The following LARGE1 variants were observed in gnomAD, a reference collection of about 807,000 sequenced individuals.
LARGE1 encodes the protein xylosyl- and glucuronyltransferase LARGE1.
Under a neutral mutation model 87.6 loss-of-function variants are expected in LARGE1, and 43 were observed. That is an observed-to-expected ratio of 0.49 (90% CI 0.38 to 0.63). The LOEUF is 0.63. LARGE1 is among the 30% of genes least tolerant of loss of function. The probability of loss-of-function intolerance (pLI) is 0.00; values close to 1 mark genes in which losing one functional copy is unlikely to be tolerated. For missense variants in LARGE1, 802 were observed against 1,000.2 expected, an observed-to-expected ratio of 0.80 and a Z score of 2.67; for synonymous variants, 434 against 394.6, an observed-to-expected ratio of 1.10 and a Z score of -1.18.
At chr22:33,439,213 CAAA>C (rs1158386811) in intron 6 of LARGE1, among the ~76,000 whole-genome samples, 15 of 90,064 alleles carry the variant, frequency 1.7e-4, no homozygotes, top group South Asian at 1.5e-3. Context: ...GACTCCATCT[CAAA>C]AAAAAAAAAA....
chr22:33,646,104 T>C (rs746873378), intron 3 of LARGE1, among the ~76,000 whole-genome samples: 2 of 152,184 alleles, frequency 1.3e-5, no homozygotes, highest in Non-Finnish European at 2.9e-5. Context: ...CCCAAAGGAT[T>C]ATAAATCATT....
intron 5 of LARGE1, among the ~76,000 whole-genome samples, chr22:33,579,880 A>C (rs968136788): frequency 1.3e-5 from 2 of 152,226 alleles, no homozygotes; most frequent in Non-Finnish European, 2.9e-5. Flanking sequence ...ACTTAATAGC[A>C]CAGCTCTGTA....
rs560569417 is a variant in LARGE1 at position 33,260,189 on chromosome 22, A to AC, written c.1730+44039dup. 6.8e-3 allele frequency among the ~76,000 whole-genome samples: 1,016 copies of AC among 149,422 alleles called. 5 individuals carry two copies. The highest frequency in any genetic ancestry group is 0.024 in the Middle Eastern group (7 of 288). On this transcript the variant is annotated intron_variant, in intron 11 of 11. Transcript: ENST00000608642. ...AGCCTCTTGCCCACATTTTCTTCCC[A>AC]CCCCCCTGCCTCCTGACCCACCCTG...
intron 11 of LARGE1, among the ~76,000 whole-genome samples, chr22:33,234,187 T>C (rs1259540568): frequency 6.6e-6 from 1 of 152,254 alleles, no homozygotes; most frequent in African/African-American, 2.4e-5. Context: ...CATCTCACCA[T>C]GTGCTTGCAC....
intron 6 of LARGE1, among the ~76,000 whole-genome samples, chr22:33,556,826 T>A (rs2077704828): frequency 6.6e-6 from 1 of 151,536 alleles, no homozygotes; most frequent in African/African-American, 2.4e-5. Context: ...GCCAACATGG[T>A]GAAACCCTGT....
At chr22:33,903,175 T>G (rs1404688459) in intron 1 of LARGE1, among the ~76,000 whole-genome samples, 1 of 152,046 alleles carries the variant, frequency 6.6e-6, no homozygotes, top group African/African-American at 2.4e-5. Context: ...GTCATTAGGG[T>G]GGGCCCTAAT....
At chr22:33,238,212 G>C (rs1278469240) in intron 11 of LARGE1, among the ~76,000 whole-genome samples, 2 of 152,104 alleles carry the variant, frequency 1.3e-5, no homozygotes, top group Non-Finnish European at 2.9e-5. Context: ...GATGCAGCTA[G>C]AAAGAGAATG....
chr22:33,609,994 AAACACTCCTTG>A (rs1232009738), intron 4 of LARGE1, among the ~76,000 whole-genome samples: 1 of 152,038 alleles, frequency 6.6e-6, no homozygotes, highest in Non-Finnish European at 1.5e-5. Context: ...TGCCATAAGT[AAACACTCCTTG>A]AGGTGTCCCT....
At chr22:33,756,634 T>C (rs1323943608) in intron 2 of LARGE1, among the ~76,000 whole-genome samples, 4 of 152,112 alleles carry the variant, frequency 2.6e-5, no homozygotes, top group African/African-American at 9.7e-5. Context: ...TAAAAGAATC[T>C]GGCGTGGCTG....
chr22:33,805,321 T>A (rs1378269019), intron 1 of LARGE1, among the ~76,000 whole-genome samples: 2 of 152,088 alleles, frequency 1.3e-5, no homozygotes, highest in African/African-American at 2.4e-5. Context: ...CCTTCCTCTA[T>A]CCTTGTCTGC....
intron 6 of LARGE1, among the ~76,000 whole-genome samples, chr22:33,536,085 C>T (rs2077034679): frequency 6.6e-6 from 1 of 152,184 alleles, no homozygotes; most frequent in African/African-American, 2.4e-5. Context: ...GCAACATCTG[C>T]AGGGCATTAC....
chr22:33,126,157 G>A, the LARGE1 span, among the ~76,000 whole-genome samples: 1 of 152,226 alleles, frequency 6.6e-6, no homozygotes, highest in African/African-American at 2.4e-5. Context: ...GAATGGTCAT[G>A]TGCTTATGTG....
rs573788995 is a variant in LARGE1, at chr22:33,906,002, C to T, written c.-83+13993G>A. Among the ~76,000 whole-genome samples the T allele has an allele frequency of 3.2e-4, 49 of 152,184 alleles. No individual in the cohort carries two copies. In the South Asian group the frequency reaches 9.6e-3, roughly 30 times the overall value. ...AAAATTAGCCAGACGTGGTGGCAGG[C>T]GCCTGTAGTCCCAGCTACTCAGGAG... On this transcript the variant is annotated intron_variant, in intron 1 of 14. Transcript: ENST00000397394.
chr22:33,705,849 A>G (rs897222393), intron 2 of LARGE1, among the ~76,000 whole-genome samples: 4 of 152,218 alleles, frequency 2.6e-5, no homozygotes, highest in Non-Finnish European at 5.9e-5. Context: ...GCACCTACCT[A>G]CTACTGAATG....
chr22:33,775,294 C>A (rs563219109), intron 1 of LARGE1, among the ~76,000 whole-genome samples: 1 of 152,334 alleles, frequency 6.6e-6, no homozygotes, highest in African/African-American at 2.4e-5. Context: ...CCTCCAAAAT[C>A]GGATCCCTGT....
chr22:33,598,705 A>G (rs2079041183), intron 5 of LARGE1, among the ~76,000 whole-genome samples: 1 of 152,164 alleles, frequency 6.6e-6, no homozygotes, highest in Non-Finnish European at 1.5e-5. Flanking sequence ...ACATGAACTT[A>G]TCCTTTTTAA....
At chr22:33,331,386 TTCTC>T (rs149146872) in intron 10 of LARGE1, among the ~76,000 whole-genome samples, 8 of 151,200 alleles carry the variant, frequency 5.3e-5, no homozygotes, top group East Asian at 3.9e-4. Flanking sequence ...TTTTCTTTCT[TTCTC>T]TCTCTCTTTC....
chr22:33,277,678 C>T (rs1929604607), intron 13 of LARGE1, among the ~76,000 whole-genome samples: 1 of 152,258 alleles, frequency 6.6e-6, no homozygotes, highest in East Asian at 1.9e-4. Flanking sequence ...GAAGCATGGA[C>T]CTGCTGACAG....
chr22:33,409,860 C>CA (rs35645500), intron 7 of LARGE1, among the ~76,000 whole-genome samples: 9,055 of 62,488 alleles, frequency 0.14, 529 homozygotes, highest in Admixed American at 0.28. Flanking sequence ...GACTCCATCT[C>CA]AAAAAAAAAA....
Sources: gnomAD v4.1 joint callset for allele counts (sites outside exome capture counted in the v4.1 genomes callset) on GRCh38, gnomAD v4.1.1 for gene constraint, MANE v1.5 for transcripts, NCBI Gene and HGNC (gene_info 2026-07-23, HGNC 2026-07-21) for gene names.